The following OTULIN variants were observed in gnomAD, a reference collection of about 807,000 sequenced individuals.
OTULIN encodes ubiquitin thioesterase otulin.
Under a neutral mutation model 39.6 loss-of-function variants are expected in OTULIN, and 15 were observed. The observed-to-expected ratio is 0.38, with a 90% CI of 0.25 to 0.58. OTULIN has a LOEUF of 0.58. Ranked by LOEUF, OTULIN falls within the 20% of genes least tolerant of loss-of-function variation. The probability of loss-of-function intolerance (pLI) is 0.66; values close to 1 mark genes in which losing one functional copy is unlikely to be tolerated. For synonymous variants in OTULIN, 156 were observed against 170.3 expected, an observed-to-expected ratio of 0.92 and a Z score of 0.65; for missense variants, 319 against 445.9, an observed-to-expected ratio of 0.72 and a Z score of 2.56.
intron 1 of OTULIN, among the ~76,000 whole-genome samples, chr5:14,666,267 G>A (rs1279913974): frequency 6.6e-6 from 1 of 152,188 alleles, no homozygotes; most frequent in African/African-American, 2.4e-5. Flanking sequence ...AAGTTTTCTG[G>A]TGGACATGAT....
chr5:14,692,725 C>A, intron 6 of OTULIN, 129 bp from the exon 7 acceptor site: 1 of 673,166 alleles, frequency 1.5e-6, no homozygotes, highest in Non-Finnish European at 2.4e-6. Context: ...GGGCTGGGCC[C>A]AAAGCAGGAG....
In OTULIN at chr5:14,698,685, CT is replaced by C. The variant is rs1378654266; in HGVS notation, c.*5640del. 1 of 152,250 alleles carries C rather than the reference CT, an allele frequency of 6.6e-6. No homozygotes were observed. Among genetic ancestry groups the C allele is most frequent in the Non-Finnish European group, 1.5e-5 (1 of 68,072 alleles). The allele number at this position is 152,250 out of a possible 1,614,324, so 9.4% of individuals were successfully genotyped here. On this transcript the variant is annotated 3_prime_UTR_variant, in exon 7 of 7. Transcript: ENST00000284274. Reference sequence around the variant, plus strand: ...ATTGTGCTATTACATTGGGCTCTAACTTTCTGGCACCCGCAAGGCAGACCTA... The same window carrying C: ...ATTGTGCTATTACATTGGGCTCTAACTTCTGGCACCCGCAAGGCAGACCTA...
At position 14,678,709 on chromosome 5, in the gene OTULIN, G is replaced by A; in HGVS notation, c.258G>A (p.Met86Ile). Residue 86 changes from methionine (M) to isoleucine (I), a missense_variant, in exon 3 of 7, where the codon ATG (methionine) becomes ATA (isoleucine). Physicochemically the swap from Met to Ile is conservative, Grantham distance 10 (BLOSUM62 1). Coordinates refer to ENST00000284274, the MANE Select transcript of OTULIN (RefSeq NM_138348.6). ...CGAGATTAAGCGTAGCTCCTGAAATGGATATCATGGACTACTGCAAAAAAG... is the reference window on the plus strand; with the variant it reads ...CGAGATTAAGCGTAGCTCCTGAAATAGATATCATGGACTACTGCAAAAAAG... ...SEPRLSVAPE[M>I]DIMDYCKKEW... 1 of 1,599,124 alleles carries A rather than the reference G, an allele frequency of 6.3e-7. No individual in the cohort carries two copies.
chr5:14,715,956 CTGTCTT>C, the OTULIN span, among the ~76,000 whole-genome samples: 1 of 152,364 alleles, frequency 6.6e-6, no homozygotes. Context: ...CAGTCCTTCT[CTGTCTT>C]TGTATATCTC....
intron 1 of OTULIN, among the ~76,000 whole-genome samples, chr5:14,665,868 T>C (rs368948060): frequency 6.6e-6 from 1 of 152,344 alleles, no homozygotes; most frequent in African/African-American, 2.4e-5. Context: ...ACTTAGACAT[T>C]CTCATTTGTT....
At chr5:14,709,210 A>ATCTT in the OTULIN span, 1 of 152,114 alleles carries the variant, frequency 6.6e-6, no homozygotes, top group African/African-American at 2.4e-5. Flanking sequence ...CTCAGTTTGG[A>ATCTT]TCTTTAAGCT....
At chr5:14,712,961 C>CGCACCGT in the OTULIN span, 2 of 1,613,072 alleles carry the variant, frequency 1.2e-6, no homozygotes. Context: ...CGCCCAGGGT[C>CGCACCGT]GCACCGTGCA....
At chr5:14,682,396 A>G (rs114902966) in intron 4 of OTULIN, among the ~76,000 whole-genome samples, 2,213 of 152,316 alleles carry the variant, frequency 0.015, 50 homozygotes, top group African/African-American at 0.051. Context: ...AGCAGCCATC[A>G]ACATCAAAGC....
At chr5:14,715,838 T>C in the OTULIN span, among the ~76,000 whole-genome samples, 33 of 152,366 alleles carry the variant, frequency 2.2e-4, no homozygotes, top group African/African-American at 7.9e-4. Context: ...CACCACTATA[T>C]TGGCTTGGTA....
chr5:14,710,502 A>G, the OTULIN span: 1 of 154,376 alleles, frequency 6.5e-6, no homozygotes, highest in East Asian at 1.9e-4. Context: ...AAATGCTATC[A>G]TTCAACCATG....
chr5:14,713,087 G>A, the OTULIN span: 274 of 1,025,168 alleles, frequency 2.7e-4, no homozygotes, highest in Non-Finnish European at 3.3e-4. The surrounding 1 kb of genome is among the most constrained non-coding windows in gnomAD (Gnocchi z 4.4). Context: ...GACCAGCGGC[G>A]TTCTCCATCT....
chr5:14,668,423 G>A (rs1735903316), intron 1 of OTULIN, among the ~76,000 whole-genome samples: 1 of 152,308 alleles, frequency 6.6e-6, no homozygotes. Context: ...TTTTGGCCTG[G>A]GTGCCGGTAC....
chr5:14,681,461 C>T lies in OTULIN; in HGVS notation c.325-3C>T. Reference sequence around the variant, plus strand: ...TTTTGAATTCTTTCATACCTTTTCCCAGGGCTATGAAGAGGTTTCTCAGAA... The same window carrying T: ...TTTTGAATTCTTTCATACCTTTTCCTAGGGCTATGAAGAGGTTTCTCAGAA... On this transcript the variant is annotated splice_polypyrimidine_tract_variant and splice_region_variant and intron_variant, in intron 3 of 6. Transcript: ENST00000284274. The T allele has an allele frequency of 6.2e-7, 1 of 1,603,208 alleles. No homozygotes were observed. The highest frequency in any genetic ancestry group is 8.5e-7 in the Non-Finnish European group (1 of 1,176,508).
intron 4 of OTULIN, among the ~76,000 whole-genome samples, chr5:14,686,506 T>A (rs905625776): frequency 2.6e-5 from 4 of 152,150 alleles, no homozygotes; most frequent in African/African-American, 9.7e-5. Flanking sequence ...GGGGTCTTGC[T>A]ATGTTGCCTG....
the OTULIN span, chr5:14,711,017 C>A: frequency 6.1e-5 from 40 of 654,120 alleles, 1 homozygote; most frequent in East Asian, 1.1e-3. Flanking sequence ...CTAGGTCCCC[C>A]CGTCAGTGTG....
chr5:14,682,775 G>A (rs1393251472), intron 4 of OTULIN, among the ~76,000 whole-genome samples: 1 of 151,978 alleles, frequency 6.6e-6, no homozygotes, highest in Admixed American at 6.6e-5. Flanking sequence ...ACCTGGCTGC[G>A]TTTTAAAAGG....
chr5:14,672,794 C>T (rs952357660), intron 1 of OTULIN, among the ~76,000 whole-genome samples: 1 of 152,200 alleles, frequency 6.6e-6, no homozygotes, highest in Non-Finnish European at 1.5e-5. Flanking sequence ...TCATTTACCA[C>T]TCCATCTGCT....
At chr5:14,672,386 C>T (rs1215384217) in intron 1 of OTULIN, among the ~76,000 whole-genome samples, 1 of 152,126 alleles carries the variant, frequency 6.6e-6, no homozygotes, top group African/African-American at 2.4e-5. Flanking sequence ...CCTTCTTCAT[C>T]TGTCTCTTGC....
At chr5:14,678,008 C>T (rs1361086962) in intron 2 of OTULIN, among the ~76,000 whole-genome samples, 1 of 152,176 alleles carries the variant, frequency 6.6e-6, no homozygotes, top group East Asian at 1.9e-4. Flanking sequence ...TCCCTGCCCT[C>T]AAGGAGCTTG....
Sources: allele counts gnomAD v4.1 joint callset (sites outside exome capture counted in the v4.1 genomes callset), GRCh38; gene constraint gnomAD v4.1.1; non-coding constraint Gnocchi (gnomAD v3.1); transcripts MANE v1.5; gene names NCBI Gene and HGNC (gene_info 2026-07-23, HGNC 2026-07-21).